Variants in ROBO2 observed in about 807,000 individuals in gnomAD.
ROBO2 encodes the protein roundabout guidance receptor 2, also known as roundabout homolog 2.
ROBO2 carries 53 observed loss-of-function variants against 160.8 expected under a neutral mutation model. The ratio of observed to expected loss-of-function variants is 0.33; its 90% CI spans 0.26 to 0.41. The LOEUF is 0.41. Among genes scored for constraint, ROBO2 ranks in the 10% least tolerant of loss-of-function variants. ROBO2 has a pLI of 1.00. For synonymous variants in ROBO2, 664 were observed against 611.7 expected (o/e 1.09, Z -1.26); for missense variants, 1,577 against 1,722.4 (o/e 0.92, Z 1.49).
chr3:76,570,598 T>C (rs928160972), intron 2 of ROBO2, among the ~76,000 whole-genome samples: 1 of 152,242 alleles, frequency 6.6e-6, no homozygotes, highest in Non-Finnish European at 1.5e-5. Flanking sequence ...TAGAATTTTG[T>C]GCAAACTGCA....
At chr3:76,764,291 T>C (rs1287105543) in intron 2 of ROBO2, among the ~76,000 whole-genome samples, 2 of 151,762 alleles carry the variant, frequency 1.3e-5, no homozygotes, top group African/African-American at 4.8e-5. Context: ...ATTTCATTTG[T>C]TTCATGTAAG....
intron 2 of ROBO2, among the ~76,000 whole-genome samples, chr3:76,445,253 C>T (rs2077119203): frequency 6.6e-6 from 1 of 151,918 alleles, no homozygotes; most frequent in African/African-American, 2.4e-5. Flanking sequence ...CATGAACCAT[C>T]AAATAGAAAA....
chr3:76,416,895 A>G (rs937782756), intron 2 of ROBO2, among the ~76,000 whole-genome samples: 2 of 152,186 alleles, frequency 1.3e-5, no homozygotes, highest in African/African-American at 4.8e-5. Flanking sequence ...ATAGTATTAA[A>G]CTTTATATTA....
At chr3:76,856,189 G>A (rs748934128) in intron 2 of ROBO2, among the ~76,000 whole-genome samples, 5 of 152,184 alleles carry the variant, frequency 3.3e-5, no homozygotes, top group Non-Finnish European at 7.3e-5. Context: ...CAATTTTAGT[G>A]AATATTTGAG....
chr3:77,084,578 G>A (rs2069068067), intron 1 of ROBO2, among the ~76,000 whole-genome samples: 1 of 152,038 alleles, frequency 6.6e-6, no homozygotes, highest in South Asian at 2.1e-4. Context: ...AGAAAGCATT[G>A]CATTTCGAGA....
intron 2 of ROBO2, among the ~76,000 whole-genome samples, chr3:77,351,718 C>T (rs1462824489): frequency 2.6e-5 from 4 of 152,074 alleles, no homozygotes; most frequent in Non-Finnish European, 5.9e-5. Context: ...GTTCTCTAAT[C>T]AGCCTAAAGC....
At chr3:77,159,619 TA>T (rs1164563088) in intron 2 of ROBO2, among the ~76,000 whole-genome samples, 3 of 152,188 alleles carry the variant, frequency 2.0e-5, no homozygotes, top group Non-Finnish European at 2.9e-5. Flanking sequence ...AATATATCTC[TA>T]CCTGTCCAAA....
exon 5 of ROBO2, chr3:77,493,285 C>T: frequency 1.9e-6 from 3 of 1,613,598 alleles, no homozygotes; most frequent in Non-Finnish European, 1.7e-6. Flanking sequence ...CCAGGTGGTA[C>T]TGGAGGAAGA....
At chr3:77,625,785 C>G (rs1250825570) in intron 23 of ROBO2, among the ~76,000 whole-genome samples, 1 of 152,054 alleles carries the variant, frequency 6.6e-6, no homozygotes, top group Non-Finnish European at 1.5e-5. Flanking sequence ...AACTAACTAA[C>G]AAACAAAAAC....
intron 2 of ROBO2, among the ~76,000 whole-genome samples, chr3:77,110,344 A>G (rs964015783): frequency 1.3e-5 from 2 of 152,184 alleles, no homozygotes; most frequent in Admixed American, 6.5e-5. Flanking sequence ...TAACATATTT[A>G]TATGCATTAT....
chr3:77,624,049 T>C (rs984545501), intron 23 of ROBO2, among the ~76,000 whole-genome samples: 1 of 152,156 alleles, frequency 6.6e-6, no homozygotes, highest in Admixed American at 6.5e-5. Flanking sequence ...AAATGAAGCT[T>C]TTATTGCTGA....
At chr3:76,030,755 T>C (rs1280502107) in intron 2 of ROBO2, among the ~76,000 whole-genome samples, 1 of 152,172 alleles carries the variant, frequency 6.6e-6, no homozygotes, top group East Asian at 1.9e-4. Context: ...TACCATGCTG[T>C]TTTGGTTACT....
chr3:76,027,143 G>T (rs533180617), intron 2 of ROBO2, among the ~76,000 whole-genome samples: 3 of 151,944 alleles, frequency 2.0e-5, no homozygotes, highest in East Asian at 3.9e-4. Context: ...TTACCCTTTT[G>T]TTGACTGTAA....
chr3:76,133,530 C>G (rs7618781), intron 2 of ROBO2, among the ~76,000 whole-genome samples: 41,793 of 151,836 alleles, frequency 0.28, 6,297 homozygotes, highest in Non-Finnish European at 0.34. Flanking sequence ...CACAACAGGC[C>G]GTCTGCAAGC....
chr3:76,235,439 T>C (rs1704883736), intron 2 of ROBO2, among the ~76,000 whole-genome samples: 1 of 152,200 alleles, frequency 6.6e-6, no homozygotes, highest in South Asian at 2.1e-4. Flanking sequence ...GGAGGGAGTG[T>C]GGTCCTGCTG....
At chr3:76,668,076 C>A (rs2092122104) in intron 2 of ROBO2, among the ~76,000 whole-genome samples, 1 of 151,984 alleles carries the variant, frequency 6.6e-6, no homozygotes, top group Non-Finnish European at 1.5e-5. Context: ...CCATAGAGAC[C>A]AAAATACTTC....
At position 76,387,618 on chromosome 3, in the gene ROBO2, C is replaced by T. The variant is rs894462465; in HGVS notation, c.109+450016C>T. 1.6e-4 allele frequency among the ~76,000 whole-genome samples: 24 copies of T among 151,882 alleles called. 1 individual carries two copies. Among genetic ancestry groups the T allele is most frequent in the Non-Finnish European group, 4.4e-5 (3 of 67,980 alleles). Reference sequence around the variant, plus strand: ...GAATTTTTCAAGTCTGCAAAACAGCCCTATAAAGAAGTTATTATAATTATT... The same window carrying T: ...GAATTTTTCAAGTCTGCAAAACAGCTCTATAAAGAAGTTATTATAATTATT... On this transcript the variant is annotated intron_variant, in intron 2 of 26. Coordinates refer to the ROBO2 transcript ENST00000487694.
At chr3:76,859,493 A>C (rs1002224894) in intron 2 of ROBO2, among the ~76,000 whole-genome samples, 6 of 152,066 alleles carry the variant, frequency 3.9e-5, no homozygotes. Flanking sequence ...CCTCTCCAGA[A>C]CTCAGCTTCT....
chr3:76,653,767 G>T (rs539963952), intron 2 of ROBO2, among the ~76,000 whole-genome samples: 2 of 152,112 alleles, frequency 1.3e-5, no homozygotes, highest in Non-Finnish European at 2.9e-5. Context: ...CTTCAGTTAT[G>T]CAAAGGGGCA....
Sources: allele counts gnomAD v4.1 joint callset (sites outside exome capture counted in the v4.1 genomes callset), GRCh38; gene constraint gnomAD v4.1.1; transcripts MANE v1.5; gene names NCBI Gene and HGNC (gene_info 2026-07-23, HGNC 2026-07-21).